The following ARHGAP24 variants were observed in gnomAD, a reference collection of about 807,000 sequenced individuals.
The protein encoded by ARHGAP24 is rho GTPase-activating protein 24.
ARHGAP24 carries 50 observed loss-of-function variants against 76.4 expected under a neutral mutation model. The ratio of observed to expected loss-of-function variants is 0.65; its 90% confidence interval spans 0.52 to 0.83. The LOEUF is 0.83. ARHGAP24 is among the 40% of genes least tolerant of loss of function. ARHGAP24 has a pLI of 0.00. For missense variants in ARHGAP24, 930 were observed against 914.2 expected (o/e 1.02, Z -0.22); for synonymous variants, 345 against 323.3 (o/e 1.07, Z -0.72).
chr4:85,519,907 C>A (rs1330142803), intron 1 of ARHGAP24, among the ~76,000 whole-genome samples: 1 of 152,102 alleles, frequency 6.6e-6, no homozygotes, highest in Non-Finnish European at 1.5e-5. Flanking sequence ...TTCCTTACAT[C>A]ATTTTCCATA....
intron 1 of ARHGAP24, among the ~76,000 whole-genome samples, chr4:85,519,647 C>G (rs1036917879): frequency 6.6e-6 from 1 of 152,130 alleles, no homozygotes; most frequent in African/African-American, 2.4e-5. Flanking sequence ...ACTGACTTAG[C>G]CTGGAAGCCC....
chr4:85,755,538 GA>G (rs1262575820), intron 3 of ARHGAP24, among the ~76,000 whole-genome samples: 2 of 151,670 alleles, frequency 1.3e-5, no homozygotes, highest in Non-Finnish European at 2.9e-5. Flanking sequence ...ATTGGAAAGT[GA>G]AAATATTCCC....
chr4:85,551,475 C>T (rs529879785), intron 1 of ARHGAP24, among the ~76,000 whole-genome samples: 21 of 152,098 alleles, frequency 1.4e-4, no homozygotes, highest in East Asian at 1.4e-3. Flanking sequence ...TCAAGGATAT[C>T]GGCCTGACAT....
intron 5 of ARHGAP24, among the ~76,000 whole-genome samples, chr4:85,962,956 T>A (rs938687123): frequency 6.6e-6 from 1 of 151,688 alleles, no homozygotes; most frequent in African/African-American, 2.4e-5. Flanking sequence ...ACCATAAAAC[T>A]GATTGGATAT....
chr4:85,730,319 A>C (rs915782663), intron 3 of ARHGAP24, among the ~76,000 whole-genome samples: 2 of 152,216 alleles, frequency 1.3e-5, no homozygotes, highest in African/African-American at 4.8e-5. Context: ...AGTTATTTAC[A>C]AATATTCTGA....
At chr4:85,964,998 T>C (rs1438079864) in intron 5 of ARHGAP24, among the ~76,000 whole-genome samples, 1 of 152,102 alleles carries the variant, frequency 6.6e-6, no homozygotes. Context: ...CACATGCCTC[T>C]ATACACAGAA....
intron 2 of ARHGAP24, among the ~76,000 whole-genome samples, chr4:85,669,557 CAT>C (rs541548183): frequency 6.2e-4 from 93 of 150,606 alleles, no homozygotes; most frequent in Non-Finnish European, 1.1e-3. Flanking sequence ...GGTACGCACA[CAT>C]GTAGACACAC....
intron 2 of ARHGAP24, among the ~76,000 whole-genome samples, chr4:85,630,157 A>C (rs890738641): frequency 1.3e-4 from 20 of 152,048 alleles, no homozygotes; most frequent in African/African-American, 4.8e-4. Flanking sequence ...TTTTCAGTTC[A>C]GGCATTGGAG....
intron 2 of ARHGAP24, among the ~76,000 whole-genome samples, chr4:85,632,973 T>A (rs1246146167): frequency 6.6e-6 from 1 of 151,088 alleles, no homozygotes; most frequent in Non-Finnish European, 1.5e-5. Context: ...ATGGGTAACA[T>A]TTTTTTTTCT....
chr4:85,496,148 C>G (rs1186388406), intron 1 of ARHGAP24, among the ~76,000 whole-genome samples: 1 of 152,172 alleles, frequency 6.6e-6, no homozygotes, highest in African/African-American at 2.4e-5. Context: ...TTTGTAACTT[C>G]TTGGCTTATG....
intron 2 of ARHGAP24, among the ~76,000 whole-genome samples, chr4:85,717,425 T>A (rs1724775826): frequency 6.6e-6 from 1 of 152,084 alleles, no homozygotes; most frequent in Admixed American, 6.6e-5. Flanking sequence ...TATCATTAAA[T>A]CTCCATCTGC....
intron 5 of ARHGAP24, among the ~76,000 whole-genome samples, chr4:85,964,744 G>A (rs986303112): frequency 3.9e-5 from 6 of 152,076 alleles, no homozygotes; most frequent in Non-Finnish European, 8.8e-5. Context: ...TTGTTTAGAA[G>A]CACCAAACTG....
intron 3 of ARHGAP24, among the ~76,000 whole-genome samples, chr4:85,919,427 A>C (rs1449668608): frequency 6.6e-6 from 1 of 152,166 alleles, no homozygotes; most frequent in Non-Finnish European, 1.5e-5. Context: ...TATCTATAGA[A>C]ATTATATCTA....
intron 1 of ARHGAP24, among the ~76,000 whole-genome samples, chr4:85,492,067 G>A (rs1316728644): frequency 6.7e-6 from 1 of 149,322 alleles, no homozygotes; most frequent in Non-Finnish European, 1.5e-5. Flanking sequence ...TCTTCCTCCC[G>A]TATTTCCTCC....
chr4:85,786,437 T>A (rs1274552260), intron 3 of ARHGAP24, among the ~76,000 whole-genome samples: 1 of 152,230 alleles, frequency 6.6e-6, no homozygotes, highest in African/African-American at 2.4e-5. Flanking sequence ...TTTTCTTGAC[T>A]TTGAACTTCT....
At chr4:85,767,866 C>T (rs900612214) in intron 3 of ARHGAP24, among the ~76,000 whole-genome samples, 4 of 152,062 alleles carry the variant, frequency 2.6e-5, no homozygotes, top group Non-Finnish European at 5.9e-5. Flanking sequence ...GAATAGAGTG[C>T]ATGTTTGTAT....
At chr4:85,878,360 A>G (rs924721068) in intron 3 of ARHGAP24, among the ~76,000 whole-genome samples, 2 of 152,194 alleles carry the variant, frequency 1.3e-5, no homozygotes, top group South Asian at 4.1e-4. Flanking sequence ...AATTATTTTC[A>G]GAAATGTAGC....
intron 2 of ARHGAP24, among the ~76,000 whole-genome samples, chr4:85,721,064 C>T (rs1203032266): frequency 2.0e-5 from 3 of 151,988 alleles, no homozygotes; most frequent in African/African-American, 7.3e-5. Flanking sequence ...TATCTCAGCA[C>T]TGAATGAAAT....
At chr4:85,822,588 G>C (rs1467570471) in intron 3 of ARHGAP24, among the ~76,000 whole-genome samples, 1 of 152,110 alleles carries the variant, frequency 6.6e-6, no homozygotes, top group Non-Finnish European at 1.5e-5. Flanking sequence ...CTGTTACAGA[G>C]GAGATCTCTC....
Sources: allele counts gnomAD v4.1 joint callset (sites outside exome capture counted in the v4.1 genomes callset), GRCh38; gene constraint gnomAD v4.1.1; transcripts MANE v1.5; gene names NCBI Gene and HGNC (gene_info 2026-07-23, HGNC 2026-07-21).